Variants in NANOS3 observed in about 807,000 individuals in gnomAD.
NANOS3 encodes the protein nanos C2HC-type zinc finger 3.
In NANOS3, 11 loss-of-function variants were observed where a neutral mutation model predicts 13.8. The ratio of observed to expected loss-of-function variants is 0.80; its 90% confidence interval spans 0.50 to 1.32. The LOEUF (loss-of-function observed/expected upper bound fraction) is 1.32. NANOS3 is among the 40% of genes most tolerant of loss of function. NANOS3 has a pLI of 0.00. For missense variants in NANOS3, 221 were observed against 263.8 expected (o/e 0.84, Z 1.12); for synonymous variants, 119 against 115.4 (o/e 1.03, Z -0.20).
chr19:13,876,924 AC>A (rs1374014777), upstream of NANOS3, among the ~76,000 whole-genome samples: 2 of 152,094 alleles, frequency 1.3e-5, no homozygotes, highest in Admixed American at 6.5e-5. Flanking sequence ...GGAGGTGTGT[AC>A]GGGGGGCTGT....
chr19:13,873,775 G>A (rs1183171112), upstream of NANOS3, among the ~76,000 whole-genome samples: 1 of 152,120 alleles, frequency 6.6e-6, no homozygotes, highest in Non-Finnish European at 1.5e-5. Flanking sequence ...CGGCCATGCC[G>A]GGTGCACCTT....
chr19:13,876,209 G>T (rs912587288), upstream of NANOS3, among the ~76,000 whole-genome samples: 1 of 152,104 alleles, frequency 6.6e-6, no homozygotes, highest in Admixed American at 6.5e-5. Context: ...CTTGATCTTG[G>T]CTCACCGCAA....
chr19:13,867,504 A>G (rs181987292), intron 1 of NANOS3, among the ~76,000 whole-genome samples: 51 of 152,066 alleles, frequency 3.4e-4, no homozygotes, highest in African/African-American at 1.1e-3. Context: ...AGCTCTAGCT[A>G]TCCACCCACC....
At chr19:13,875,417 C>T (rs923796201), upstream of NANOS3, among the ~76,000 whole-genome samples, 1 of 150,892 alleles carries the variant, frequency 6.6e-6, no homozygotes, top group Non-Finnish European at 1.5e-5. Flanking sequence ...AAACTCCTGA[C>T]CTCAAGTAAT....
At chr19:13,873,701 G>A (rs1447676148), upstream of NANOS3, among the ~76,000 whole-genome samples, 2 of 152,042 alleles carry the variant, frequency 1.3e-5, no homozygotes, top group Non-Finnish European at 2.9e-5. Flanking sequence ...CATCTCCTGG[G>A]CTCAAAAGAT....
At chr19:13,880,126 A>G (rs1023374944) in intron 1 of NANOS3, among the ~76,000 whole-genome samples, 2 of 152,228 alleles carry the variant, frequency 1.3e-5, no homozygotes, top group African/African-American at 2.4e-5. Context: ...CCAAAAGGAC[A>G]TAGGGAAGAT....
At chr19:13,874,352 T>C (rs1439148244), upstream of NANOS3, among the ~76,000 whole-genome samples, 1 of 152,204 alleles carries the variant, frequency 6.6e-6, no homozygotes, top group Non-Finnish European at 1.5e-5. Flanking sequence ...CCGGGAACAC[T>C]TGGAATGCCT....
chr19:13,869,784 A>G lies in NANOS3; in HGVS notation n.21+4347A>G, dbSNP rs1012200519. On this transcript the variant is annotated intron_variant and non_coding_transcript_variant, in intron 1 of 2. Coordinates refer to the NANOS3 transcript ENST00000591161. Reference sequence around the variant, plus strand: ...CACACACACACGCACGCACACACACACACACACGCACACACATACAGTTAC... The same window carrying G: ...CACACACACACGCACGCACACACACGCACACACGCACACACATACAGTTAC... 1.1e-4 allele frequency among the ~76,000 whole-genome samples: 16 copies of G among 150,926 alleles called. 1 individual carries two copies. Among genetic ancestry groups the G allele is most frequent in the African/African-American group, 2.4e-5 (1 of 41,092 alleles).
chr19:13,874,827 C>A (rs1349257334), upstream of NANOS3: 1 of 530,416 alleles, frequency 1.9e-6, no homozygotes, highest in Non-Finnish European at 3.9e-6. Context: ...TGACTCTGAC[C>A]TTCCAGATCT....
intron 1 of NANOS3, among the ~76,000 whole-genome samples, chr19:13,868,059 C>CA (rs2145065929): frequency 6.6e-6 from 1 of 150,628 alleles, no homozygotes; most frequent in African/African-American, 2.4e-5. Flanking sequence ...TTTTTGGAGA[C>CA]AGAGTCTTGC....
chr19:13,880,487 C>T lies in NANOS3; in HGVS notation c.563C>T (p.Pro188Leu), dbSNP rs1968615192. Residue 188 changes from proline (P) to leucine (L), a missense_variant, in exon 2 of 2, where the codon CCC becomes CTC. Around this residue, in one of 3 missense-constraint regions of NANOS3, gnomAD observed 60 missense variants for 56.5 expected, o/e 1.06. Transcript: ENST00000339133. The part of the protein sequence containing the change: ...GKSEPSPSCS[P>L]SMST ...TCTGAGCCTTCGCCCTCCTGCTCTC[C>T]CTCCATGTCCACCTAGGAGGCTGCC... is the stretch of plus-strand genomic sequence containing the variant. 2 of 1,613,806 alleles carry T rather than the reference C, an allele frequency of 1.2e-6. No individual in the cohort carries two copies. The highest frequency in any genetic ancestry group is 1.1e-5 in the South Asian group (1 of 91,058).
chr19:13,874,731 C>T, upstream of NANOS3: 1 of 534,274 alleles, frequency 1.9e-6, no homozygotes, highest in South Asian at 1.4e-5. Context: ...GGGGAACATT[C>T]AACCTGTCGG....
At chr19:13,865,923 G>A (rs1976231174) in intron 1 of NANOS3, among the ~76,000 whole-genome samples, 1 of 151,928 alleles carries the variant, frequency 6.6e-6, no homozygotes, top group Non-Finnish European at 1.5e-5. Context: ...AGAGAGTACG[G>A]CCCGGCGCGC....
rs748708534 is a variant in NANOS3 at position 13,880,427 on chromosome 19, C to T, written c.518-15C>T. ...CGCCTGTGATTAAGCATTTCTCTCC[C>T]TCCCCCTCCACTAGGTTTCAGAGGT... is the stretch of plus-strand genomic sequence containing the variant. On this transcript the variant is annotated splice_polypyrimidine_tract_variant and intron_variant, in intron 1 of 1. Transcript: ENST00000339133. 8 of 1,612,708 alleles carry T rather than the reference C, an allele frequency of 5.0e-6. No individual in the cohort carries two copies. In the African/African-American group the frequency reaches 9.3e-5, roughly 19 times the overall value.
At chr19:13,871,679 C>T (rs1021166550) in intron 1 of NANOS3, among the ~76,000 whole-genome samples, 7 of 152,274 alleles carry the variant, frequency 4.6e-5, no homozygotes, top group South Asian at 2.1e-4. Flanking sequence ...GATGACCCCC[C>T]GCCCCCAACA....
upstream of NANOS3, among the ~76,000 whole-genome samples, chr19:13,865,106 C>G (rs1447329725): frequency 6.6e-6 from 1 of 151,920 alleles, no homozygotes; most frequent in Non-Finnish European, 1.5e-5. Flanking sequence ...GAGTGCGTCC[C>G]GGTGCGCCTG....
upstream of NANOS3, among the ~76,000 whole-genome samples, chr19:13,873,015 G>C (rs1262710685): frequency 4.0e-5 from 6 of 149,962 alleles, no homozygotes; most frequent in Non-Finnish European, 7.4e-5. Flanking sequence ...TTAGTGGGGG[G>C]TTGGGCTTCG....
chr19:13,875,996 C>G (rs1023494747), upstream of NANOS3, among the ~76,000 whole-genome samples: 2 of 152,168 alleles, frequency 1.3e-5, no homozygotes, highest in African/African-American at 4.8e-5. Flanking sequence ...CCCCTCCTAA[C>G]AGCCCAACTT....
upstream of NANOS3, among the ~76,000 whole-genome samples, chr19:13,873,869 G>A (rs1434487962): frequency 6.7e-6 from 1 of 148,404 alleles, no homozygotes; most frequent in African/African-American, 2.5e-5. Context: ...CGGGGGGTGG[G>A]AGATAGGGGT....
Sources: gnomAD v4.1 joint callset for allele counts (sites outside exome capture counted in the v4.1 genomes callset) on GRCh38, gnomAD v4.1.1 for gene constraint, gnomAD v4.1.1 regional missense constraint, MANE v1.5 for transcripts, NCBI Gene and HGNC (gene_info 2026-07-23, HGNC 2026-07-21) for gene names.